Variants in TIGAR observed in about 807,000 individuals in gnomAD.
The protein encoded by TIGAR is TP53 induced glycolysis regulatory phosphatase.
In TIGAR, 7 loss-of-function variants were observed where a neutral mutation model predicts 17.9. The ratio of observed to expected loss-of-function variants is 0.39; its 90% CI spans 0.22 to 0.73. The LOEUF is 0.73. TIGAR is among the 30% of genes least tolerant of loss of function. The probability of loss-of-function intolerance (pLI) is 0.42; values close to 1 mark genes in which losing one functional copy is unlikely to be tolerated. For synonymous variants in TIGAR, 94 were observed against 108.6 expected (o/e 0.87, Z 0.84); for missense variants, 258 against 327.4 (o/e 0.79, Z 1.64).
chr12:4,359,989 T>C lies in TIGAR; in HGVS notation c.*7298T>C, dbSNP rs1864957540. On this transcript the variant is annotated 3_prime_UTR_variant, in exon 6 of 6. Coordinates refer to ENST00000179259, the MANE Select transcript of TIGAR (RefSeq NM_020375.3). Reference sequence around the variant, plus strand: ...TTCTTATTGATCATTCATACAGCTTTCTTTGTGAAATGTGTATTAAAATCT... The same window carrying C: ...TTCTTATTGATCATTCATACAGCTTCCTTTGTGAAATGTGTATTAAAATCT... Among the ~76,000 whole-genome samples the C allele has an allele frequency of 6.6e-6, 1 of 152,204 alleles. No individual in the cohort carries two copies. The highest frequency in any genetic ancestry group is 1.5e-5 in the Non-Finnish European group (1 of 68,032).
chr12:4,325,522 C>G (rs1864535918), intron 1 of TIGAR, among the ~76,000 whole-genome samples: 2 of 151,936 alleles, frequency 1.3e-5, no homozygotes, highest in African/African-American at 4.8e-5. Flanking sequence ...GGGTGGATCA[C>G]CTGAGGCCGG....
chr12:4,341,484 C>T (rs1007368207), intron 3 of TIGAR, among the ~76,000 whole-genome samples: 1 of 152,162 alleles, frequency 6.6e-6, no homozygotes, highest in Non-Finnish European at 1.5e-5. Context: ...CTGGGAGGCA[C>T]CCCCCAGTAG....
chr12:4,335,614 G>C (rs1473120305), intron 2 of TIGAR: 3 of 152,252 alleles, frequency 2.0e-5, no homozygotes, highest in Admixed American at 6.5e-5. Context: ...ACCCAACCAT[G>C]ATGGTACCCT....
At position 4,321,525 on chromosome 12, in the gene TIGAR, G is replaced by A. The variant is rs1299834534; in HGVS notation, c.32+222G>A. On this transcript the variant is annotated intron_variant, in intron 1 of 5. Coordinates refer to ENST00000179259, the MANE Select transcript of TIGAR (RefSeq NM_020375.3). This position sits in a 1 kb window ranked among gnomAD's most constrained non-coding sequence, Gnocchi z 5.2. ...GAGGGACGACGGCAGGTCTTAGATA[G>A]CTTCGTTCCGTGTTTCAGATAAAGT... Among the ~76,000 whole-genome samples the A allele has an allele frequency of 6.6e-6, 1 of 152,206 alleles. No homozygotes were observed. Among genetic ancestry groups the A allele is most frequent in the Non-Finnish European group, 1.5e-5 (1 of 68,026 alleles).
Position 4,321,435 on chromosome 12 carries a change from G to A in TIGAR, c.32+132G>A. On this transcript the variant is annotated intron_variant, in intron 1 of 5. Transcript: ENST00000179259. The surrounding 1 kb of genome is among the most constrained non-coding windows in gnomAD (Gnocchi z 5.2). ...AGCCCGGGAGGGCTGGCTTGGAAGC[G>A]CTTTTTCCGGGGCGCTTGCCCTGGG... The A allele has an allele frequency of 7.4e-7, 1 of 1,356,290 alleles. No individual in the cohort carries two copies. Among genetic ancestry groups the A allele is most frequent in the Non-Finnish European group, 1.0e-6 (1 of 992,266 alleles). 84.0% of individuals were successfully genotyped at this position (1,356,290 alleles called of 1,614,324 possible).
At chr12:4,338,977 C>CAAAAAAAAAAAAAAAAAAAAA (rs1192832105) in intron 3 of TIGAR, among the ~76,000 whole-genome samples, 1 of 100,580 alleles carries the variant, frequency 9.9e-6, no homozygotes, top group Non-Finnish European at 1.9e-5. Flanking sequence ...CTTTGTCTCA[C>CAAAAAAAAAAAAAAAAAAAAA]AAAAAAAAAA....
chr12:4,352,577 A>C lies in TIGAR; in HGVS notation c.699A>C (p.Thr233=), dbSNP rs1479154188. The C allele has an allele frequency of 3.1e-6, 5 of 1,613,742 alleles. No homozygotes were observed. The highest frequency in any genetic ancestry group is 4.2e-6 in the Non-Finnish European group (5 of 1,180,018). The change falls in exon 6 of 6, where the codon ACA becomes ACC. Residue 233 remains threonine (T), a synonymous_variant. Transcript: ENST00000179259. Reference sequence around the variant, plus strand: ...AACTTATGTCAGTCACTCCCAATACAGGGATGAGTCTCTTTATCATAAACT... The same window carrying C: ...AACTTATGTCAGTCACTCCCAATACCGGGATGAGTCTCTTTATCATAAACT... ...RSELMSVTPN[T]GMSLFIINFE...
Position 4,352,717 on chromosome 12 carries a change from C to G in TIGAR, c.*26C>G. Reference sequence around the variant, plus strand: ...GGTTAAATCTGCATCAAAATCTAACCATTTTGAGCCTCTGAAGGGAGTGCC... The same window carrying G: ...GGTTAAATCTGCATCAAAATCTAACGATTTTGAGCCTCTGAAGGGAGTGCC... On this transcript the variant is annotated 3_prime_UTR_variant, in exon 6 of 6. Transcript: ENST00000179259. 1 of 1,577,896 alleles carries G rather than the reference C, an allele frequency of 6.3e-7. No homozygotes were observed. Among genetic ancestry groups the G allele is most frequent in the South Asian group, 1.1e-5 (1 of 88,200 alleles).
At position 4,354,700 on chromosome 12, in the gene TIGAR, G is replaced by A. The variant is rs1392766536; in HGVS notation, c.*2009G>A. 1.3e-5 allele frequency: 2 copies of A among 148,802 alleles called. No homozygotes were observed. Among genetic ancestry groups the A allele is most frequent in the Non-Finnish European group, 1.5e-5 (1 of 67,082 alleles). The allele number at this position is 148,802 out of a possible 1,614,324, so 9.2% of individuals were successfully genotyped here. On this transcript the variant is annotated 3_prime_UTR_variant, in exon 6 of 6. Transcript: ENST00000179259. ...TTTTTGTTTATTAGTGGGCATTTAG[G>A]TATATTCAGTTTTTATTTTCTTTGC...
intron 5 of TIGAR, 83 bp from the exon 6 acceptor site, chr12:4,352,177 A>C: frequency 8.2e-7 from 1 of 1,215,176 alleles, no homozygotes; most frequent in Admixed American, 2.5e-5. Flanking sequence ...TTAGAAAAAA[A>C]TCCAGTCAGT....
At chr12:4,343,403 T>C (rs926969969) in intron 3 of TIGAR, among the ~76,000 whole-genome samples, 2 of 152,158 alleles carry the variant, frequency 1.3e-5, no homozygotes, top group Non-Finnish European at 2.9e-5. Flanking sequence ...TCTACAGAAC[T>C]CTCCACCCCA....
intron 1 of TIGAR, among the ~76,000 whole-genome samples, chr12:4,327,703 A>G (rs371139524): frequency 1.3e-5 from 2 of 152,188 alleles, no homozygotes; most frequent in East Asian, 3.9e-4. Context: ...CGAGGATGTT[A>G]CTTGTTTTGT....
intron 5 of TIGAR, among the ~76,000 whole-genome samples, chr12:4,351,582 A>G (rs1457217860): frequency 6.6e-6 from 1 of 152,206 alleles, no homozygotes; most frequent in African/African-American, 2.4e-5. Flanking sequence ...GGACTTAAGG[A>G]AAGGTGTTAT....
chr12:4,322,995 G>A (rs73042193), intron 1 of TIGAR, among the ~76,000 whole-genome samples: 18,707 of 151,818 alleles, frequency 0.12, 1,308 homozygotes, highest in South Asian at 0.22. Flanking sequence ...GACCATCAAG[G>A]TGGTTCACCC....
At chr12:4,333,554 C>T (rs1864626396) in intron 2 of TIGAR, among the ~76,000 whole-genome samples, 1 of 151,860 alleles carries the variant, frequency 6.6e-6, no homozygotes, top group African/African-American at 2.4e-5. Flanking sequence ...CTGCAACCTC[C>T]ACCTCCCGGG....
intron 2 of TIGAR, among the ~76,000 whole-genome samples, chr12:4,336,446 GCACACACACACACACACACACA>G (rs10595001): frequency 1.2e-4 from 16 of 138,568 alleles, no homozygotes; most frequent in Non-Finnish European, 1.4e-4. Context: ...CAGCAATGCA[GCACACACACACACACACACACA>G]CACACACACA....
intron 2 of TIGAR, 65 bp downstream of exon 2, chr12:4,331,382 A>G (rs1237674343): frequency 2.0e-6 from 3 of 1,518,356 alleles, no homozygotes; most frequent in Non-Finnish European, 2.7e-6. Context: ...TGAGTTAAGC[A>G]GATTTGGTGG....
intron 2 of TIGAR, among the ~76,000 whole-genome samples, chr12:4,333,502 C>T (rs1011075834): frequency 6.6e-6 from 1 of 152,040 alleles, no homozygotes; most frequent in African/African-American, 2.4e-5. Context: ...CGGAGTCTCA[C>T]TCTGTTGCCC....
Position 4,355,361 on chromosome 12 carries a change from C to CTA in TIGAR, c.*2671_*2672insAT, listed in dbSNP as rs934200660. The stretch of plus-strand genomic sequence containing the variant: ...CCTCATTTGCTAGAGTCTGTGGACT[C>CTA]TTTTAGTTATCTGTGTATTTCCTTA... On this transcript the variant is annotated 3_prime_UTR_variant, in exon 6 of 6. Coordinates refer to ENST00000179259, the MANE Select transcript of TIGAR (RefSeq NM_020375.3). Among the ~76,000 whole-genome samples, 8 of 152,078 alleles carry CTA rather than the reference C, an allele frequency of 5.3e-5. No individual in the cohort carries two copies. The highest frequency in any genetic ancestry group is 1.2e-4 in the Non-Finnish European group (8 of 68,016).
Sources: gnomAD v4.1 joint callset for allele counts (sites outside exome capture counted in the v4.1 genomes callset) on GRCh38, gnomAD v4.1.1 for gene constraint, Gnocchi (gnomAD v3.1) non-coding constraint, MANE v1.5 for transcripts, NCBI Gene and HGNC (gene_info 2026-07-23, HGNC 2026-07-21) for gene names.